The following CPE variants were observed in gnomAD, a reference collection of about 807,000 sequenced individuals.
CPE encodes the protein carbocypeptidase E.
CPE carries 17 observed loss-of-function variants against 53.5 expected under a neutral mutation model. The observed-to-expected ratio is 0.32, with a 90% CI of 0.22 to 0.48. The LOEUF is 0.48. Among genes scored for constraint, CPE ranks in the 20% least tolerant of loss-of-function variants. The probability of loss-of-function intolerance (pLI) is 0.99; values close to 1 mark genes in which losing one functional copy is unlikely to be tolerated. For missense variants in CPE, 524 were observed against 614.7 expected (o/e 0.85, Z 1.56); for synonymous variants, 226 against 228.8 (o/e 0.99, Z 0.11).
chr4:165,477,700 C>G (rs1189531784), intron 3 of CPE, among the ~76,000 whole-genome samples: 1 of 150,752 alleles, frequency 6.6e-6, no homozygotes, highest in African/African-American at 2.5e-5. Flanking sequence ...AATAGAAATG[C>G]AGATTCCTCC....
intron 1 of CPE, among the ~76,000 whole-genome samples, chr4:165,459,682 G>T (rs1001068997): frequency 7.8e-6 from 1 of 127,866 alleles, no homozygotes; most frequent in Non-Finnish European, 1.6e-5. Context: ...GGTGGGGGGG[G>T]GCGGGGCAGA....
intron 3 of CPE, among the ~76,000 whole-genome samples, chr4:165,471,070 A>T (rs2032469774): frequency 6.6e-6 from 1 of 152,200 alleles, no homozygotes. Flanking sequence ...TTAGTTTATT[A>T]GATTTAGAAG....
At chr4:165,423,417 T>G (rs1731261293) in intron 1 of CPE, among the ~76,000 whole-genome samples, 1 of 152,002 alleles carries the variant, frequency 6.6e-6, no homozygotes, top group African/African-American at 2.4e-5. Context: ...TTTCAAAGTT[T>G]TATTAATTTC....
chr4:165,482,628 A>G (rs1374683211), intron 4 of CPE, among the ~76,000 whole-genome samples: 1 of 152,212 alleles, frequency 6.6e-6, no homozygotes, highest in Non-Finnish European at 1.5e-5. Flanking sequence ...GAGAAAACAC[A>G]CGTCATAAAC....
intron 1 of CPE, among the ~76,000 whole-genome samples, chr4:165,395,531 C>T (rs999591581): frequency 1.3e-5 from 2 of 152,134 alleles, no homozygotes; most frequent in Non-Finnish European, 2.9e-5. Context: ...AAATGACTTA[C>T]AGATTCTTTT....
intron 1 of CPE, among the ~76,000 whole-genome samples, chr4:165,459,682 G>A (rs1001068997): frequency 7.8e-6 from 1 of 127,866 alleles, no homozygotes. Flanking sequence ...GGTGGGGGGG[G>A]GCGGGGCAGA....
At chr4:165,481,699 C>T (rs1010890868) in intron 3 of CPE, among the ~76,000 whole-genome samples, 4 of 152,164 alleles carry the variant, frequency 2.6e-5, no homozygotes, top group African/African-American at 9.7e-5. Context: ...ACATATTTTA[C>T]AGTCCACTCT....
At chr4:165,495,491 A>C in intron 7 of CPE, 68 bp from the exon 8 acceptor site, 1 of 1,032,476 alleles carries the variant, frequency 9.7e-7, no homozygotes, top group Non-Finnish European at 1.5e-6. Flanking sequence ...CTTAGATGGC[A>C]TAATTATGCA....
In CPE at chr4:165,498,098, T is replaced by C. The variant is rs1446569333; in HGVS notation, c.*488T>C. 6.6e-6 allele frequency: 1 copy of C among 152,162 alleles called. No individual in the cohort carries two copies. The highest frequency in any genetic ancestry group is 1.5e-5 in the Non-Finnish European group (1 of 68,018). 9.4% of individuals were successfully genotyped at this position (152,162 alleles called of 1,614,324 possible). A position where few individuals can be genotyped will look rare whatever the true frequency, so the allele number is the denominator to read the frequency against. Reference sequence around the variant, plus strand: ...GTTTTTTTCTTGTGCTGACTAACTATAAGCATGATCTTGTTAATGCATTTT... The same window carrying C: ...GTTTTTTTCTTGTGCTGACTAACTACAAGCATGATCTTGTTAATGCATTTT... On this transcript the variant is annotated 3_prime_UTR_variant, in exon 9 of 9. Transcript: ENST00000402744.
Position 165,484,475 on chromosome 4 carries a change from G to T in CPE, c.844G>T (p.Ala282Ser), listed in dbSNP as rs543303316. Residue 282 changes from alanine to serine, a missense_variant, in exon 5 of 9, where the codon GCC becomes TCC. Physicochemically the swap from Ala to Ser is moderately conservative, Grantham distance 99. Coordinates refer to ENST00000402744, the MANE Select transcript of CPE (RefSeq NM_001873.4). ...AGATGACGCCATTTTCCAAAGCTTG[G>T]CCCGGGCATACTCTTCTTTCAACCC... ...SPDDAIFQSLARAYSSFNPAM... is the reference protein window; with the variant it reads ...SPDDAIFQSLSRAYSSFNPAM... The T allele has an allele frequency of 6.2e-7, 1 of 1,614,002 alleles. No individual in the cohort carries two copies. Among genetic ancestry groups the T allele is most frequent in the African/African-American group, 1.3e-5 (1 of 74,980 alleles).
intron 1 of CPE, among the ~76,000 whole-genome samples, chr4:165,425,573 T>G (rs13130511): frequency 0.3 from 44,903 of 151,934 alleles, 6,704 homozygotes; most frequent in Middle Eastern, 0.39. Flanking sequence ...AAAAAAAATA[T>G]TTTGGCAAAT....
intron 6 of CPE, among the ~76,000 whole-genome samples, chr4:165,492,806 C>T (rs1204994124): frequency 6.6e-6 from 1 of 152,166 alleles, no homozygotes; most frequent in Non-Finnish European, 1.5e-5. Flanking sequence ...CCCCGGGCTG[C>T]CTGCTTGTGG....
At chr4:165,439,248 T>C (rs982646503) in intron 1 of CPE, among the ~76,000 whole-genome samples, 2 of 151,946 alleles carry the variant, frequency 1.3e-5, no homozygotes, top group Admixed American at 1.3e-4. Context: ...TAAAAAGCAG[T>C]TGTCTAATAA....
At chr4:165,466,776 A>G (rs984059107) in intron 2 of CPE, among the ~76,000 whole-genome samples, 2 of 152,146 alleles carry the variant, frequency 1.3e-5, no homozygotes, top group African/African-American at 4.8e-5. Flanking sequence ...TTGGCCTCTC[A>G]AAGTGCTGGG....
At chr4:165,495,735 C>A in intron 8 of CPE, 58 bp downstream of exon 8, 2 of 1,214,674 alleles carry the variant, frequency 1.6e-6, no homozygotes, top group South Asian at 2.7e-5. Flanking sequence ...TTATCATTGT[C>A]AGGCATACTG....
chr4:165,394,129 G>C (rs1028874408), intron 1 of CPE, among the ~76,000 whole-genome samples: 1 of 152,086 alleles, frequency 6.6e-6, no homozygotes, highest in African/African-American at 2.4e-5. Flanking sequence ...TGGGGAAACA[G>C]AAATAATGGA....
intron 1 of CPE, among the ~76,000 whole-genome samples, chr4:165,446,523 A>G (rs577845992): frequency 2.1e-4 from 32 of 152,326 alleles, no homozygotes; most frequent in Admixed American, 2.1e-3. Flanking sequence ...GTTTTGAGAC[A>G]GGGTCTTGCT....
intron 7 of CPE, among the ~76,000 whole-genome samples, 172 bp downstream of exon 7, chr4:165,493,442 T>C (rs1045215040): frequency 6.6e-6 from 1 of 152,026 alleles, no homozygotes; most frequent in Non-Finnish European, 1.5e-5. Context: ...TCAGGCGGAG[T>C]GAGTGGAGCC....
At chr4:165,466,010 CAT>C (rs1475899506) in intron 2 of CPE, among the ~76,000 whole-genome samples, 1 of 152,028 alleles carries the variant, frequency 6.6e-6, no homozygotes, top group Non-Finnish European at 1.5e-5. Context: ...ATTCATCGAA[CAT>C]ATTTTCAAAA....
Sources: gnomAD v4.1 joint callset for allele counts (sites outside exome capture counted in the v4.1 genomes callset) on GRCh38, gnomAD v4.1.1 for gene constraint, MANE v1.5 for transcripts, NCBI Gene and HGNC (gene_info 2026-07-23, HGNC 2026-07-21) for gene names.